PMFBP1: variants seen among roughly 807,000 people sequenced by gnomAD.
The protein encoded by PMFBP1 is polyamine-modulated factor 1-binding protein 1.
Under a neutral mutation model 137.8 loss-of-function variants are expected in PMFBP1, and 131 were observed. The observed-to-expected ratio is 0.95, with a 90% confidence interval of 0.82 to 1.10. PMFBP1 has a LOEUF of 1.10. Ranked by LOEUF, PMFBP1 falls within the 50% of genes least tolerant of loss-of-function variation. The pLI is 0.00. For synonymous variants in PMFBP1, 490 were observed against 450.4 expected, an observed-to-expected ratio of 1.09 and a Z score of -1.11; for missense variants, 1,199 against 1,175.4, an observed-to-expected ratio of 1.02 and a Z score of -0.29.
Position 72,130,636 on chromosome 16 carries a change from GGA to G in PMFBP1, c.1532_1533del (p.Leu511ProfsTer28), listed in dbSNP as rs752147041. The G allele has an allele frequency of 4.3e-6, 7 of 1,613,834 alleles. No individual in the cohort carries two copies. In the Admixed American group the frequency reaches 6.7e-5, roughly 15 times the overall value. On this transcript the variant is annotated frameshift_variant, in exon 11 of 21. Transcript: ENST00000237353. LOFTEE classifies it high-confidence loss of function. ...GTGTCTGCCTTCTGCTTGTCCAGGA[GGA>G]GACCCTTCTGCAGTTTCCTCTGGGT... ...EDTQRKLQKGLLLDKQKADTI... is the reference protein window; with the variant it reads ...EDTQRKLQKGXLLDKQKADTI...
chr16:72,134,669 A>G (rs2042598069), intron 9 of PMFBP1, among the ~76,000 whole-genome samples: 1 of 151,924 alleles, frequency 6.6e-6, no homozygotes, highest in Non-Finnish European at 1.5e-5. Context: ...CTCCTGGAAC[A>G]CTCCAAGCAG....
chr16:72,212,609 C>A, the PMFBP1 span, among the ~76,000 whole-genome samples: 1 of 152,150 alleles, frequency 6.6e-6, no homozygotes, highest in Admixed American at 6.5e-5. Flanking sequence ...CAACATCCAA[C>A]TGATAGGAAT....
the PMFBP1 span, among the ~76,000 whole-genome samples, chr16:72,196,948 T>C: frequency 1.3e-5 from 2 of 152,240 alleles, no homozygotes; most frequent in Non-Finnish European, 2.9e-5. Flanking sequence ...ATTATAAGCA[T>C]ACAGATTCTC....
chr16:72,130,798 G>A (rs185931025), intron 10 of PMFBP1, 76 bp from the exon 11 acceptor site: 1 of 1,392,878 alleles, frequency 7.2e-7, no homozygotes, highest in East Asian at 2.5e-5. Flanking sequence ...TGGCTGAAGA[G>A]TTTTTCCTTT....
chr16:72,235,441 A>G, the PMFBP1 span, among the ~76,000 whole-genome samples: 1 of 151,904 alleles, frequency 6.6e-6, no homozygotes, highest in East Asian at 1.9e-4. Context: ...GTTTGGAAAT[A>G]AGAAAGTGAG....
At chr16:72,127,920 C>T (rs2042486176) in intron 14 of PMFBP1, among the ~76,000 whole-genome samples, 2 of 152,198 alleles carry the variant, frequency 1.3e-5, no homozygotes, top group Non-Finnish European at 2.9e-5. Context: ...GCTGCTTGGC[C>T]TTTCATTTGT....
intron 20 of PMFBP1, 105 bp from the exon 21 acceptor site, chr16:72,119,459 T>G: frequency 6.2e-7 from 1 of 1,601,612 alleles, no homozygotes; most frequent in Non-Finnish European, 8.5e-7. Context: ...GCAGGGTGAC[T>G]TCTTGCCTCT....
At chr16:72,201,754 C>T in the PMFBP1 span, among the ~76,000 whole-genome samples, 1 of 152,164 alleles carries the variant, frequency 6.6e-6, no homozygotes, top group African/African-American at 2.4e-5. Flanking sequence ...TACGGTTAAA[C>T]ACCTTTCTTT....
chr16:72,213,332 T>C, the PMFBP1 span, among the ~76,000 whole-genome samples: 3 of 152,164 alleles, frequency 2.0e-5, no homozygotes, highest in Admixed American at 6.5e-5. Context: ...ATACATGGAA[T>C]ATGATAAAAA....
chr16:72,157,594 A>AG (rs1196889133), intron 3 of PMFBP1, among the ~76,000 whole-genome samples: 1 of 152,120 alleles, frequency 6.6e-6, no homozygotes, highest in East Asian at 1.9e-4. Flanking sequence ...AGATAGGAAA[A>AG]GGAGGTGAGG....
intron 3 of PMFBP1, among the ~76,000 whole-genome samples, chr16:72,156,478 G>A (rs1378026701): frequency 6.6e-6 from 1 of 152,046 alleles, no homozygotes; most frequent in Non-Finnish European, 1.5e-5. Context: ...AAATTAGCCA[G>A]GCGTGGTGGC....
At position 72,130,591 on chromosome 16, in the gene PMFBP1, C is replaced by G; in HGVS notation, c.1579G>C (p.Glu527Gln). The change falls in exon 11 of 21, where the codon GAA becomes CAA. Residue 527 changes from glutamate (E) to glutamine (Q), a missense_variant. Glu to Gln is a conservative substitution (Grantham distance 29). Coordinates refer to ENST00000237353, the MANE Select transcript of PMFBP1 (RefSeq NM_031293.3). ...GACTCCTTCTGCAGCATCTGAAGTT[C>G]TCTCTGTAGTTCCTGGATGGTGTCT... ...KADTIQELQR[E>Q]LQMLQKESSM... The G allele has an allele frequency of 1.2e-6, 2 of 1,614,078 alleles. No homozygotes were observed. Among genetic ancestry groups the G allele is most frequent in the Non-Finnish European group, 8.5e-7 (1 of 1,180,024 alleles).
the PMFBP1 span, among the ~76,000 whole-genome samples, chr16:72,188,583 G>C: frequency 6.6e-6 from 1 of 152,200 alleles, no homozygotes; most frequent in African/African-American, 2.4e-5. Flanking sequence ...CACAGAGAAG[G>C]AAACAGGTAT....
At chr16:72,137,264 G>A (rs1368866230) in intron 7 of PMFBP1, among the ~76,000 whole-genome samples, 2 of 152,152 alleles carry the variant, frequency 1.3e-5, no homozygotes, top group Non-Finnish European at 2.9e-5. Flanking sequence ...TGGGTGCTGG[G>A]CATGGCTCCA....
At chr16:72,159,159 GA>G (rs1403744996) in intron 3 of PMFBP1, among the ~76,000 whole-genome samples, 1 of 152,146 alleles carries the variant, frequency 6.6e-6, no homozygotes, top group Admixed American at 6.5e-5. Flanking sequence ...CTGCCCAGAA[GA>G]ATGAGAGAAA....
chr16:72,218,074 A>C, the PMFBP1 span, among the ~76,000 whole-genome samples: 1 of 152,182 alleles, frequency 6.6e-6, no homozygotes, highest in African/African-American at 2.4e-5. Context: ...TTTGAACTCT[A>C]AGACTACTAG....
At chr16:72,209,054 C>T in the PMFBP1 span, among the ~76,000 whole-genome samples, 1 of 152,246 alleles carries the variant, frequency 6.6e-6, no homozygotes, top group African/African-American at 2.4e-5. Context: ...CCACACACCT[C>T]CGCTCTTAGA....
intron 10 of PMFBP1, among the ~76,000 whole-genome samples, chr16:72,131,484 G>A (rs889720403): frequency 2.0e-5 from 3 of 152,172 alleles, no homozygotes; most frequent in Non-Finnish European, 2.9e-5. Flanking sequence ...TCTAGCCCAC[G>A]CCTTTGCCTC....
upstream of PMFBP1, among the ~76,000 whole-genome samples, chr16:72,176,424 A>C (rs1207044636): frequency 6.6e-6 from 1 of 152,144 alleles, no homozygotes; most frequent in Non-Finnish European, 1.5e-5. Flanking sequence ...ATGTGCATGC[A>C]CTCATCTAAA....
Sources: gnomAD v4.1 joint callset for allele counts (sites outside exome capture counted in the v4.1 genomes callset) on GRCh38, gnomAD v4.1.1 for gene constraint, MANE v1.5 for transcripts, NCBI Gene and HGNC (gene_info 2026-07-23, HGNC 2026-07-21) for gene names.